The following PLEKHH1 variants were observed in gnomAD, a reference collection of about 807,000 sequenced individuals.
PLEKHH1 encodes pleckstrin homology, MyTH4 and FERM domain containing H1.
Under a neutral mutation model 160.0 loss-of-function variants are expected in PLEKHH1, and 104 were observed. The ratio of observed to expected loss-of-function variants is 0.65; its 90% CI spans 0.55 to 0.76. PLEKHH1 has a LOEUF of 0.76. Among genes scored for constraint, PLEKHH1 ranks in the 30% least tolerant of loss-of-function variants. The pLI, the probability that PLEKHH1 is intolerant of heterozygous loss-of-function variation, is 0.00. For synonymous variants in PLEKHH1, 619 were observed against 678.4 expected (o/e 0.91, Z 1.36); for missense variants, 1,427 against 1,724.1 (o/e 0.83, Z 3.05).
At chr14:67,551,588 G>T (rs995247134) in intron 2 of PLEKHH1, among the ~76,000 whole-genome samples, 1 of 152,074 alleles carries the variant, frequency 6.6e-6, no homozygotes, top group Non-Finnish European at 1.5e-5. Context: ...ATTCTCTCCC[G>T]TGGGTGCAAG....
At chr14:67,579,969 G>A in intron 22 of PLEKHH1, 93 bp downstream of exon 22, 1 of 1,233,912 alleles carries the variant, frequency 8.1e-7, no homozygotes, top group South Asian at 1.4e-5. Context: ...CTGACTGTTT[G>A]GTAGCTCATT....
chr14:67,579,379 CT>C, intron 21 of PLEKHH1, 68 bp downstream of exon 21: 1 of 1,276,774 alleles, frequency 7.8e-7, no homozygotes, highest in Non-Finnish European at 1.1e-6. Flanking sequence ...ACCCCTGGGC[CT>C]TAGGCTCAGG....
At chr14:67,579,939 A>C (rs2035812940) in intron 22 of PLEKHH1, 63 bp downstream of exon 22, 14 of 1,466,014 alleles carry the variant, frequency 9.5e-6, no homozygotes, top group South Asian at 1.2e-5. Context: ...TGGTGGGGAA[A>C]GAGCCCATCT....
At position 67,569,825 on chromosome 14, in the gene PLEKHH1, C is replaced by T. The variant is rs904071737; in HGVS notation, c.1343-96C>T. The T allele has an allele frequency of 1.0e-5, 8 of 780,414 alleles. No homozygotes were observed. In the Admixed American group the frequency reaches 1.6e-4, roughly 16 times the overall value. 48.3% of individuals were successfully genotyped at this position (780,414 alleles called of 1,614,324 possible). ...TCTTGAGATCTGTCACTGGCCTGCT[C>T]CTGGAGGGAATGCCATCTGCCCAGT... On this transcript the variant is annotated intron_variant, in intron 8 of 28. Transcript: ENST00000329153.
rs768667777 is a variant in PLEKHH1 at position 67,573,880 on chromosome 14, C to T, written c.1919C>T (p.Thr640Met). ...ATTGTTCGAGGGGAGGGTTCACAGA[C>T]GTTTCAGGTGAGCACGCTCCTGGCT... Reference protein sequence around the residue: ...CQIVRGEGSQTFQLISEKKTY... With the variant: ...CQIVRGEGSQMFQLISEKKTY... Residue 640 changes from threonine (T) to methionine (M), a missense_variant, in exon 13 of 29, where the codon ACG becomes ATG. Transcript: ENST00000329153. This position sits in a 1 kb window ranked among gnomAD's most constrained non-coding sequence, Gnocchi z 4.8. 1.5e-5 allele frequency: 24 copies of T among 1,611,522 alleles called. No homozygotes were observed. The highest frequency in any genetic ancestry group is 3.3e-5 in the South Asian group (3 of 91,048).
Position 67,555,890 on chromosome 14 carries a change from A to G in PLEKHH1, c.189+3A>G. ...GAGCAGAGAACGCTGAGACCCAGGTAACCAGGGGAGGGGATCGGCGGGAAT... is the reference window on the plus strand; with the variant it reads ...GAGCAGAGAACGCTGAGACCCAGGTGACCAGGGGAGGGGATCGGCGGGAAT... On this transcript the variant is annotated splice_donor_region_variant and intron_variant, in intron 3 of 28. Transcript: ENST00000329153. 1.2e-6 allele frequency: 2 copies of G among 1,613,376 alleles called. No homozygotes were observed. The highest frequency in any genetic ancestry group is 1.7e-6 in the Non-Finnish European group (2 of 1,179,626).
intron 28 of PLEKHH1, 164 bp downstream of exon 28, chr14:67,586,261 T>A: frequency 9.1e-7 from 1 of 1,092,990 alleles, no homozygotes; most frequent in South Asian, 1.3e-5. Flanking sequence ...TGGTGTTGCA[T>A]CTCCGTATCA....
chr14:67,566,257 G>A lies in PLEKHH1; in HGVS notation c.1264-2881G>A, dbSNP rs181578550. On this transcript the variant is annotated intron_variant, in intron 7 of 28. Coordinates refer to ENST00000329153, the MANE Select transcript of PLEKHH1 (RefSeq NM_020715.3). ...GGAGACCCAGTTGAGCCAAGAGTGGGGCACATCAGGAAGACTAGGGGATGG... is the reference window on the plus strand; with the variant it reads ...GGAGACCCAGTTGAGCCAAGAGTGGAGCACATCAGGAAGACTAGGGGATGG... Among the ~76,000 whole-genome samples, 6 of 147,998 alleles carry A rather than the reference G, an allele frequency of 4.1e-5. No homozygotes were observed. The Admixed American group carries it at 4.1e-4, about 10-fold the overall frequency.
At chr14:67,548,561 G>T (rs1422106085) in intron 2 of PLEKHH1, among the ~76,000 whole-genome samples, 3 of 152,144 alleles carry the variant, frequency 2.0e-5, no homozygotes, top group Admixed American at 1.3e-4. Flanking sequence ...GCCAGGCATG[G>T]TGGTGCATGC....
In PLEKHH1 at chr14:67,588,166, A is replaced by G. The variant is rs1295569801; in HGVS notation, c.*931A>G. The stretch of plus-strand genomic sequence containing the variant: ...TGGACTTTAGGCCAAACCCAGTACC[A>G]CGCAATGTGCAAGCAAGGGCAGGAG... On this transcript the variant is annotated 3_prime_UTR_variant, in exon 29 of 29. Coordinates refer to ENST00000329153, the MANE Select transcript of PLEKHH1 (RefSeq NM_020715.3). 1.3e-5 allele frequency: 2 copies of G among 152,654 alleles called. No homozygotes were observed. The highest frequency in any genetic ancestry group is 2.9e-5 in the Non-Finnish European group (2 of 68,052). 9.5% of individuals were successfully genotyped at this position (152,654 alleles called of 1,614,324 possible).
intron 2 of PLEKHH1, among the ~76,000 whole-genome samples, chr14:67,551,162 C>T (rs544598379): frequency 1.3e-5 from 2 of 152,298 alleles, no homozygotes; most frequent in South Asian, 2.1e-4. Flanking sequence ...GGCTTAAACC[C>T]ATTCTTTCTG....
intron 20 of PLEKHH1, 22 bp from the exon 21 acceptor site, chr14:67,579,112 C>T (rs202220770): frequency 3.4e-6 from 5 of 1,481,400 alleles, no homozygotes; most frequent in African/African-American, 3.6e-5. Flanking sequence ...GCCCATAATA[C>T]TCCCCTCTTC....
chr14:67,572,143 A>C lies in PLEKHH1; in HGVS notation c.1594A>C (p.Met532Leu), dbSNP rs1401211988. 1.9e-6 allele frequency: 3 copies of C among 1,606,878 alleles called. No homozygotes were observed. The highest frequency in any genetic ancestry group is 1.7e-6 in the Non-Finnish European group (2 of 1,177,004). Residue 532 changes from methionine to leucine, a missense_variant, in exon 11 of 29, where the codon ATG (methionine) becomes CTG (leucine). Met to Leu is a conservative substitution (Grantham distance 15). Transcript: ENST00000329153. ...CCTCCTCCCTCGGCAAGGCGTCTCC[A>C]TGTCCTCACTGAGCTCCGAGGGTGA... ...SPRAIKRGVS[M>L]SSLSSEGDYA...
At chr14:67,555,643 C>T (rs1471070228) in intron 2 of PLEKHH1, among the ~76,000 whole-genome samples, 182 bp from the exon 3 acceptor site, 1 of 152,204 alleles carries the variant, frequency 6.6e-6, no homozygotes, top group Non-Finnish European at 1.5e-5. Flanking sequence ...CCCATGAACT[C>T]AGGATTAGGG....
chr14:67,535,370 C>CT (rs71129833), intron 1 of PLEKHH1, among the ~76,000 whole-genome samples: 5,334 of 74,210 alleles, frequency 0.072, 1,581 homozygotes, highest in East Asian at 0.27. Flanking sequence ...GTGAGCACAT[C>CT]TTTTTTTTTT....
At chr14:67,572,012 A>G (rs2236233) in intron 10 of PLEKHH1, 110 bp downstream of exon 10, 1,374,305 of 1,481,084 alleles carry the variant, frequency 0.93, 645,399 homozygotes, top group Non-Finnish European at 0.97. Context: ...GTGACCCCCC[A>G]GCAGCTCCAC....
intron 23 of PLEKHH1, among the ~76,000 whole-genome samples, chr14:67,581,301 A>C (rs904616154): frequency 5.6e-5 from 8 of 142,088 alleles, no homozygotes; most frequent in African/African-American, 2.0e-4. Context: ...CACACACACA[A>C]ACATCTGCCA....
At chr14:67,561,932 C>G in intron 5 of PLEKHH1, 22 bp from the exon 6 acceptor site, 2 of 1,562,362 alleles carry the variant, frequency 1.3e-6, no homozygotes, top group Non-Finnish European at 1.8e-6. Flanking sequence ...TGTCCTAAAT[C>G]TTCATTTTTC....
intron 7 of PLEKHH1, among the ~76,000 whole-genome samples, chr14:67,563,674 C>CCA (rs1038220855): frequency 6.6e-6 from 1 of 150,874 alleles, no homozygotes; most frequent in African/African-American, 2.4e-5. Context: ...CTCAGGTGAT[C>CCA]CACCCTCTTG....
Sources: gnomAD v4.1 joint callset for allele counts (sites outside exome capture counted in the v4.1 genomes callset) on GRCh38, gnomAD v4.1.1 for gene constraint, Gnocchi (gnomAD v3.1) non-coding constraint, MANE v1.5 for transcripts, NCBI Gene and HGNC (gene_info 2026-07-23, HGNC 2026-07-21) for gene names.